IQCJ: variants seen among roughly 807,000 people sequenced by gnomAD.
The protein encoded by IQCJ is IQ motif containing J, also known as IQ domain-containing protein J.
IQCJ carries 9 observed loss-of-function variants against 11.0 expected under a neutral mutation model. That is an observed-to-expected ratio of 0.82 (90% CI 0.49 to 1.43). The LOEUF (loss-of-function observed/expected upper bound fraction) is 1.43, where lower values mean the gene tolerates loss of function less well. IQCJ is among the 40% of genes most tolerant of loss of function. IQCJ has a pLI of 0.00. For missense variants in IQCJ, 146 were observed against 133.2 expected (o/e 1.10, Z -0.47); for synonymous variants, 55 against 51.3 (o/e 1.07, Z -0.31).
chr3:159,265,153 C>A (rs1728427823), downstream of IQCJ: 1 of 1,415,898 alleles, frequency 7.1e-7, no homozygotes, highest in Non-Finnish European at 9.7e-7. Flanking sequence ...TAAAAGAAAA[C>A]TTTATATGTA....
chr3:159,258,534 G>A (rs548389249), intron 3 of IQCJ, among the ~76,000 whole-genome samples: 1 of 152,166 alleles, frequency 6.6e-6, no homozygotes, highest in Non-Finnish European at 1.5e-5. Context: ...GTTCACTTGT[G>A]GTAAGGATTG....
At chr3:159,189,010 A>C (rs1723531164) in intron 1 of IQCJ, among the ~76,000 whole-genome samples, 1 of 152,080 alleles carries the variant, frequency 6.6e-6, no homozygotes, top group African/African-American at 2.4e-5. Flanking sequence ...GGGTTGGGAG[A>C]GGGAATATTG....
chr3:159,194,579 T>A (rs1215612118), intron 1 of IQCJ, among the ~76,000 whole-genome samples: 2 of 152,354 alleles, frequency 1.3e-5, no homozygotes, highest in South Asian at 2.1e-4. Context: ...TTTCTTATCA[T>A]TTTAGATGCT....
chr3:159,224,789 C>T (rs1281281456), intron 1 of IQCJ, among the ~76,000 whole-genome samples: 1 of 152,108 alleles, frequency 6.6e-6, no homozygotes, highest in Non-Finnish European at 1.5e-5. Context: ...TTCCTGAGTT[C>T]TTGAGCAAAC....
At chr3:159,187,136 T>G (rs776831965) in intron 1 of IQCJ, among the ~76,000 whole-genome samples, 23 of 152,244 alleles carry the variant, frequency 1.5e-4, no homozygotes, top group Non-Finnish European at 3.4e-4. Context: ...TCAGCATTTA[T>G]TTTATTCAGC....
chr3:159,137,150 T>C (rs1194880673), intron 1 of IQCJ, among the ~76,000 whole-genome samples: 1 of 151,864 alleles, frequency 6.6e-6, no homozygotes, highest in Non-Finnish European at 1.5e-5. Context: ...TAATCCCAGC[T>C]ACTCGGGAGG....
chr3:159,082,532 C>T (rs183303275), intron 1 of IQCJ, among the ~76,000 whole-genome samples: 4 of 150,094 alleles, frequency 2.7e-5, no homozygotes, highest in East Asian at 3.9e-4. Flanking sequence ...GCGAGAGGCC[C>T]AGGAAAAAAA....
chr3:159,137,193 C>A (rs535674328), intron 1 of IQCJ, among the ~76,000 whole-genome samples: 1 of 150,314 alleles, frequency 6.7e-6, no homozygotes, highest in Non-Finnish European at 1.5e-5. Flanking sequence ...ACTTGGGAGG[C>A]GGAGGTTTCA....
intron 1 of IQCJ, among the ~76,000 whole-genome samples, chr3:159,086,319 G>A (rs1716766209): frequency 6.6e-6 from 1 of 152,172 alleles, no homozygotes; most frequent in South Asian, 2.1e-4. Context: ...GGTTATTGTA[G>A]CCTTGTAGTA....
At chr3:159,219,182 A>G (rs1560030086) in intron 1 of IQCJ, among the ~76,000 whole-genome samples, 1 of 152,156 alleles carries the variant, frequency 6.6e-6, no homozygotes, top group Non-Finnish European at 1.5e-5. Flanking sequence ...TCTGTTTACT[A>G]GAACCTTACA....
chr3:159,074,472 G>A (rs774490462), intron 1 of IQCJ, among the ~76,000 whole-genome samples: 2 of 151,994 alleles, frequency 1.3e-5, no homozygotes, highest in African/African-American at 2.4e-5. Context: ...ATCTTGTTGA[G>A]GAAAGATGAC....
intron 1 of IQCJ, among the ~76,000 whole-genome samples, chr3:159,179,561 T>C (rs1722974613): frequency 6.6e-6 from 1 of 151,436 alleles, no homozygotes; most frequent in African/African-American, 2.5e-5. Context: ...CTCACTGGAA[T>C]CTATTATGTC....
intron 2 of IQCJ, among the ~76,000 whole-genome samples, chr3:159,246,626 C>G (rs1727288090): frequency 6.6e-6 from 1 of 152,116 alleles, no homozygotes; most frequent in African/African-American, 2.4e-5. Flanking sequence ...TCATGCTTGG[C>G]TCTGGACACC....
Position 159,070,778 on chromosome 3 carries a change from G to A in IQCJ, c.9+1337G>A, listed in dbSNP as rs142399554. On this transcript the variant is annotated intron_variant, in intron 1 of 3. Coordinates refer to ENST00000397832, the MANE Select transcript of IQCJ (RefSeq NM_001042706.3). ...TCACAAGTAGGTTTTTTAAATGTAC[G>A]TTGGGTAGTGATACTTGAAAATGGA... Among the ~76,000 whole-genome samples, 889 of 152,106 alleles carry A rather than the reference G, an allele frequency of 5.8e-3. 4 individuals carry two copies. The highest frequency in any genetic ancestry group is 0.02 in the African/African-American group (843 of 41,536).
At chr3:159,126,769 C>CT (rs1223069511) in intron 1 of IQCJ, among the ~76,000 whole-genome samples, 2 of 151,582 alleles carry the variant, frequency 1.3e-5, no homozygotes, top group African/African-American at 2.4e-5. Flanking sequence ...CATTGACCTT[C>CT]TTTTTTTTTC....
At chr3:159,078,303 G>A (rs1321741169) in intron 1 of IQCJ, among the ~76,000 whole-genome samples, 3 of 152,048 alleles carry the variant, frequency 2.0e-5, no homozygotes, top group Non-Finnish European at 4.4e-5. Context: ...AAGTTACATT[G>A]CTTTTGGGTT....
At chr3:159,093,388 A>C (rs1360968502) in intron 1 of IQCJ, among the ~76,000 whole-genome samples, 1 of 151,878 alleles carries the variant, frequency 6.6e-6, no homozygotes, top group Non-Finnish European at 1.5e-5. Context: ...TTGCTAACTA[A>C]TTCTTCGATA....
intron 1 of IQCJ, among the ~76,000 whole-genome samples, chr3:159,221,479 G>A (rs1332658825): frequency 6.6e-6 from 1 of 152,086 alleles, no homozygotes; most frequent in African/African-American, 2.4e-5. Flanking sequence ...GAAGGTAATT[G>A]CCCTTGAGTA....
chr3:159,247,141 G>T (rs182285530), intron 2 of IQCJ, among the ~76,000 whole-genome samples: 101 of 152,286 alleles, frequency 6.6e-4, no homozygotes, highest in African/African-American at 2.4e-3. Context: ...CTGTTGCCCA[G>T]GCTGGAGTGC....
Sources: allele counts gnomAD v4.1 joint callset (sites outside exome capture counted in the v4.1 genomes callset), GRCh38; gene constraint gnomAD v4.1.1; transcripts MANE v1.5; gene names NCBI Gene and HGNC (gene_info 2026-07-23, HGNC 2026-07-21).